ZNF44: variants seen among roughly 807,000 people sequenced by gnomAD.
The protein encoded by ZNF44 is gonadotropin inducible transcription repressor-2.
In ZNF44, 9 loss-of-function variants were observed where a neutral mutation model predicts 11.7. The ratio of observed to expected loss-of-function variants is 0.77; its 90% CI spans 0.46 to 1.35. The LOEUF (loss-of-function observed/expected upper bound fraction) is 1.35. Ranked by LOEUF, ZNF44 falls within the 40% of genes most tolerant of loss-of-function variation. The pLI, the probability that ZNF44 is intolerant of heterozygous loss-of-function variation, is 0.00. For synonymous variants in ZNF44, 224 were observed against 242.7 expected (o/e 0.92, Z 0.72); for missense variants, 696 against 743.1 (o/e 0.94, Z 0.74).
At chr19:12,234,890 G>A (rs781246343) in exon 2 of ZNF44, 2 of 152,284 alleles carry the variant, frequency 1.3e-5, no homozygotes, top group African/African-American at 2.4e-5. Context: ...CGGTGTCATT[G>A]TCTCGGAGCC....
chr19:12,270,387 ATCGCTGCC>A (rs1966911554), downstream of ZNF44, among the ~76,000 whole-genome samples: 2 of 151,924 alleles, frequency 1.3e-5, no homozygotes, highest in Non-Finnish European at 2.9e-5. Context: ...TAACACTGTT[ATCGCTGCC>A]ACAGCCACTT....
Position 12,250,735 on chromosome 19 carries a change from C to G in ZNF44, c.1913-367G>C, listed in dbSNP as rs1388099951. On this transcript the variant is annotated intron_variant and NMD_transcript_variant, in intron 5 of 7. Coordinates refer to the ZNF44 transcript ENST00000393337. ...CTCAACATTCCATGAGACACAGGGT[C>G]AAACATGGATAATACGTGGATGAAT... 1.8e-5 allele frequency: 8 copies of G among 456,112 alleles called. No homozygotes were observed. In the East Asian group the frequency reaches 5.6e-4, roughly 32 times the overall value. The allele number at this position is 456,112 out of a possible 1,614,324, so 28.3% of individuals were successfully genotyped here.
At chr19:12,232,732 T>C (rs1006744254) in intron 2 of ZNF44, among the ~76,000 whole-genome samples, 2 of 151,656 alleles carry the variant, frequency 1.3e-5, no homozygotes, top group Non-Finnish European at 1.5e-5. Context: ...GAGTCTCCTA[T>C]GTCTACTTCT....
At chr19:12,280,036 T>C (rs983248926) in intron 1 of ZNF44, among the ~76,000 whole-genome samples, 8 of 152,002 alleles carry the variant, frequency 5.3e-5, no homozygotes, top group Admixed American at 3.9e-4. Context: ...TCTGATCTAA[T>C]AGATATAGGT....
intron 1 of ZNF44, among the ~76,000 whole-genome samples, chr19:12,285,456 G>T (rs150908191): frequency 3.6e-4 from 55 of 152,250 alleles, no homozygotes; most frequent in Non-Finnish European, 2.4e-4. Context: ...GTTTCACCAT[G>T]TTGGCCAGGC....
chr19:12,292,895 C>T (rs34009421), intron 1 of ZNF44, among the ~76,000 whole-genome samples: 13,886 of 124,170 alleles, frequency 0.11, 755 homozygotes, highest in Middle Eastern at 0.15. Flanking sequence ...CAGAGTTTCC[C>T]TCTTGTCGCC....
chr19:12,253,833 G>T (rs1485173774), intron 5 of ZNF44, among the ~76,000 whole-genome samples: 2 of 152,046 alleles, frequency 1.3e-5, no homozygotes, highest in Non-Finnish European at 2.9e-5. Context: ...ACAAAAATTA[G>T]CCAGGCGTGG....
intron 1 of ZNF44, chr19:12,284,664 T>C (rs2438590): frequency 0.37 from 274,065 of 750,442 alleles, 57,111 homozygotes; most frequent in African/African-American, 0.61. Context: ...TGCCGGCCAG[T>C]GCACCAGGTT....
At chr19:12,294,593 A>G (rs1261615684) in intron 1 of ZNF44, 99 bp downstream of exon 1, 1 of 1,496,482 alleles carries the variant, frequency 6.7e-7, no homozygotes, top group Non-Finnish European at 9.0e-7. Context: ...CCAGACCCCA[A>G]AGACGCTGCG....
At chr19:12,278,325 T>C (rs1967319083) in intron 1 of ZNF44, among the ~76,000 whole-genome samples, 1 of 152,232 alleles carries the variant, frequency 6.6e-6, no homozygotes, top group African/African-American at 2.4e-5. Context: ...CGCTTATCAC[T>C]GGCTTACTGT....
rs191559777 is a variant in ZNF44 at position 12,273,038 on chromosome 19, C to T, written c.1217G>A (p.Ser406Asn). The T allele has an allele frequency of 1.2e-5, 19 of 1,613,872 alleles. No individual in the cohort carries two copies. In the African/African-American group the frequency reaches 1.7e-4, roughly 15 times the overall value. ...AGTCCTTTCATGTCTTTGAAATACACTAGGAGAATCAAAGGCTTTCCCACA... is the reference window on the plus strand; with the variant it reads ...AGTCCTTTCATGTCTTTGAAATACATTAGGAGAATCAAAGGCTTTCCCACA... ...TVCGKAFDSPSVFQRHERTHT... is the reference protein window; with the variant it reads ...TVCGKAFDSPNVFQRHERTHT... Residue 406 changes from serine to asparagine, a missense_variant, in exon 4 of 4, where the codon AGT becomes AAT. Transcript: ENST00000355684.
chr19:12,224,764 G>A (rs1215738178), downstream of ZNF44: 1 of 152,246 alleles, frequency 6.6e-6, no homozygotes, highest in East Asian at 1.9e-4. Context: ...ACTTTTCCTT[G>A]CAGACTAAGA....
intron 1 of ZNF44, 72 bp downstream of exon 1, chr19:12,294,620 G>C: frequency 6.5e-7 from 1 of 1,534,924 alleles, no homozygotes; most frequent in Non-Finnish European, 8.8e-7. Context: ...CCCGGGTCCC[G>C]CCACAGCCGG....
At chr19:12,274,349 T>G (rs1464169834) in intron 3 of ZNF44, among the ~76,000 whole-genome samples, 1 of 149,090 alleles carries the variant, frequency 6.7e-6, no homozygotes, top group African/African-American at 2.5e-5. Context: ...CTCGGCTTGC[T>G]GCAACCTCCG....
chr19:12,246,500 G>A (rs1441027437), downstream of ZNF44, among the ~76,000 whole-genome samples: 1 of 151,868 alleles, frequency 6.6e-6, no homozygotes, highest in African/African-American at 2.4e-5. Flanking sequence ...CAGGATGCCA[G>A]TAGAAAACTC....
intron 1 of ZNF44, among the ~76,000 whole-genome samples, chr19:12,286,172 C>T (rs915979923): frequency 6.6e-6 from 1 of 152,158 alleles, no homozygotes; most frequent in Non-Finnish European, 1.5e-5. Context: ...GTTTTTCCCC[C>T]GTTCATCCTT....
chr19:12,255,508 T>G (rs1000138828), intron 5 of ZNF44, among the ~76,000 whole-genome samples: 14 of 152,282 alleles, frequency 9.2e-5, no homozygotes, highest in African/African-American at 3.1e-4. Flanking sequence ...AAACTAGCAA[T>G]AGAGAGAAAC....
At chr19:12,242,681 A>G (rs1916661491), downstream of ZNF44, 1 of 150,858 alleles carries the variant, frequency 6.6e-6, no homozygotes, top group African/African-American at 2.4e-5. Flanking sequence ...AAAAAAAAAA[A>G]AAAAAAATAT....
chr19:12,268,171 C>CACACACACACACACACAA (rs1917808508), downstream of ZNF44, among the ~76,000 whole-genome samples: 1 of 143,444 alleles, frequency 7.0e-6, no homozygotes, highest in African/African-American at 2.6e-5. Context: ...CACACACACA[C>CACACACACACACACACAA]ACACACACAC....
Sources: allele counts gnomAD v4.1 joint callset (sites outside exome capture counted in the v4.1 genomes callset), GRCh38; gene constraint gnomAD v4.1.1; transcripts MANE v1.5; gene names NCBI Gene and HGNC (gene_info 2026-07-23, HGNC 2026-07-21).